The following FAHD2B variants were observed in gnomAD, a reference collection of about 807,000 sequenced individuals.
FAHD2B encodes the protein fumarylacetoacetate hydrolase domain containing 2B, also known as oxaloacetate tautomerase FAHD2B, mitochondrial.
FAHD2B carries 26 observed loss-of-function variants against 33.7 expected under a neutral mutation model. The observed-to-expected ratio is 0.77, with a 90% CI of 0.57 to 1.07. The LOEUF is 1.07. Ranked by LOEUF, FAHD2B falls within the 50% of genes least tolerant of loss-of-function variation. The pLI is 0.00. For synonymous variants in FAHD2B, 108 were observed against 150.9 expected (o/e 0.72, Z 2.08); for missense variants, 272 against 388.1 (o/e 0.70, Z 2.51).
chr2:97,093,686 G>A (rs978465805), intron 1 of FAHD2B, among the ~76,000 whole-genome samples: 6 of 151,968 alleles, frequency 3.9e-5, no homozygotes, highest in African/African-American at 1.4e-4. Flanking sequence ...AGTTAGCCAG[G>A]ATGGTCTCGA....
rs1364026902 is a variant in FAHD2B at position 97,083,822 on chromosome 2, A to G, written c.883-5T>C. 1 of 1,614,150 alleles carries G rather than the reference A, an allele frequency of 6.2e-7. No homozygotes were observed. Reference sequence around the variant, plus strand: ...ACACTGGACTTCATCCCCCTTCTGCAACAGAGCAGGCCATGACGGTGTCAG... The same window carrying G: ...ACACTGGACTTCATCCCCCTTCTGCGACAGAGCAGGCCATGACGGTGTCAG... On this transcript the variant is annotated splice_region_variant and splice_polypyrimidine_tract_variant and intron_variant, in intron 8 of 8. Coordinates refer to ENST00000414820, the MANE Select transcript of FAHD2B (RefSeq NM_001320848.2).
At chr2:97,081,849 G>A (rs1282738745), downstream of FAHD2B, 36 of 550,394 alleles carry the variant, frequency 6.5e-5, no homozygotes, top group Non-Finnish European at 1.1e-4. Flanking sequence ...CACTCTGCAA[G>A]TTGGCCCAGC....
At chr2:97,086,101 C>A (rs1180525279) in intron 5 of FAHD2B, 38 bp downstream of exon 5, 1 of 1,609,642 alleles carries the variant, frequency 6.2e-7, no homozygotes, top group Admixed American at 1.7e-5. Flanking sequence ...GGGGCCTCTG[C>A]TGCACTCTGG....
chr2:97,082,860 C>A, downstream of FAHD2B: 1 of 839,040 alleles, frequency 1.2e-6, no homozygotes, highest in Admixed American at 1.9e-5. Flanking sequence ...CAGGGCTGGC[C>A]TGATGGTGCC....
At chr2:97,083,538 T>C (rs572423689), downstream of FAHD2B, 22 of 956,018 alleles carry the variant, frequency 2.3e-5, no homozygotes, top group East Asian at 1.8e-4. Flanking sequence ...CCCAACTTGT[T>C]CCATGAAACA....
At chr2:97,093,825 A>G (rs2032505030) in intron 1 of FAHD2B, among the ~76,000 whole-genome samples, 1 of 152,094 alleles carries the variant, frequency 6.6e-6, no homozygotes, top group South Asian at 2.1e-4. Context: ...CCCATTTTAC[A>G]GATGAAACAG....
downstream of FAHD2B, chr2:97,081,317 C>T: frequency 6.6e-7 from 1 of 1,518,642 alleles, no homozygotes. Context: ...TGGCCCATCC[C>T]TGCCCATGCT....
chr2:97,087,543 C>T (rs944062767), intron 4 of FAHD2B, among the ~76,000 whole-genome samples: 7 of 151,814 alleles, frequency 4.6e-5, no homozygotes, highest in African/African-American at 1.5e-4. Flanking sequence ...ACTAGAAATA[C>T]AAAAAATTAG....
At chr2:97,081,941 G>C (rs1391398491), downstream of FAHD2B, 1 of 758,164 alleles carries the variant, frequency 1.3e-6, no homozygotes, top group Non-Finnish European at 2.3e-6. Context: ...ACCTGGTCTG[G>C]GGGTGTAGGG....
rs1022181195 is a variant in FAHD2B at position 97,091,930 on chromosome 2, G to A, written c.-74C>T. ...ACTACATGCTACGCAGTAAGTCCCA[G>A]GGATTCCAGCGTTCCTTCAACCAGT... On this transcript the variant is annotated 5_prime_UTR_variant, in exon 2 of 9. Transcript: ENST00000414820. 17 of 542,054 alleles carry A rather than the reference G, an allele frequency of 3.1e-5. No homozygotes were observed. Among genetic ancestry groups the A allele is most frequent in the Non-Finnish European group, 5.3e-5 (17 of 319,304 alleles). The allele number at this position is 542,054 out of a possible 1,614,324, so 33.6% of individuals were successfully genotyped here. A position where few individuals can be genotyped will look rare whatever the true frequency, so the allele number is the denominator to read the frequency against.
chr2:97,087,523 CCCTGTCTCTACTAGAAATACAAAAAA>C (rs2032069152), intron 4 of FAHD2B, among the ~76,000 whole-genome samples: 1 of 151,894 alleles, frequency 6.6e-6, no homozygotes, highest in African/African-American at 2.4e-5. Context: ...CATGGTGAAA[CCCTGTCTCTACTAGAAATACAAAAAA>C]TTAGCCAGGT....
In FAHD2B at chr2:97,090,471, C is replaced by T. The variant is rs2924057; in HGVS notation, c.246-146G>A. ...TCAACCATCAGAGTCAGTGTGAAAA[C>T]CACTGACTATTGTCCTTTGCTGTCA... On this transcript the variant is annotated intron_variant, in intron 3 of 8. Transcript: ENST00000414820. 1,609 of 1,440,654 alleles carry T rather than the reference C, an allele frequency of 1.1e-3. 5 individuals are homozygous for T. The Middle Eastern group carries it at 0.012, about 10-fold the overall frequency. 89.2% of individuals were successfully genotyped at this position (1,440,654 alleles called of 1,614,324 possible). A position where few individuals can be genotyped will look rare whatever the true frequency, so the allele number is the denominator to read the frequency against.
chr2:97,090,303 C>T lies in FAHD2B; in HGVS notation c.268G>A (p.Val90Ile), dbSNP rs779923393. ...AAGGTTACCTCCGACCATGGTAGGA[C>T]TGGCAACTGGGCAGCCAAGGCTCTG... ...ARRALAAQLPVLPWSEVTFLA... is the reference protein window; with the variant it reads ...ARRALAAQLPILPWSEVTFLA... Residue 90 changes from valine (V) to isoleucine (I), a missense_variant, in exon 4 of 9, where the codon GTC becomes ATC. Coordinates refer to ENST00000414820, the MANE Select transcript of FAHD2B (RefSeq NM_001320848.2). 2.5e-6 allele frequency: 4 copies of T among 1,613,068 alleles called. No individual in the cohort carries two copies. The East Asian group carries it at 8.9e-5, about 36-fold the overall frequency.
chr2:97,083,528 C>T (rs2031742269), downstream of FAHD2B: 2 of 913,338 alleles, frequency 2.2e-6, no homozygotes, highest in Non-Finnish European at 3.3e-6. Context: ...CACAAAATGC[C>T]CCAACTTGTT....
At chr2:97,088,140 A>G (rs1426082189) in intron 4 of FAHD2B, among the ~76,000 whole-genome samples, 3 of 152,158 alleles carry the variant, frequency 2.0e-5, no homozygotes, top group African/African-American at 4.8e-5. Flanking sequence ...GCTATAATCA[A>G]CTTTGATTGG....
chr2:97,090,108 C>T lies in FAHD2B; in HGVS notation c.462+1G>A, dbSNP rs1264161177. 1.3e-6 allele frequency: 2 copies of T among 1,567,174 alleles called. No individual in the cohort carries two copies. Among genetic ancestry groups the T allele is most frequent in the South Asian group, 1.2e-5 (1 of 84,858 alleles). ...AGGGAGGGCAGTGGGGAGGCACTGA[C>T]CTGGCTCTGTGGTGGGAGGACCACC... On this transcript the variant is annotated splice_donor_variant, in intron 4 of 8. Coordinates refer to ENST00000414820, the MANE Select transcript of FAHD2B (RefSeq NM_001320848.2). LOFTEE classifies it high-confidence loss of function.
chr2:97,086,186 C>A lies in FAHD2B; in HGVS notation c.475G>T (p.Glu159Ter). 6.2e-7 allele frequency: 1 copy of A among 1,612,114 alleles called. No homozygotes were observed. Among genetic ancestry groups the A allele is most frequent in the Non-Finnish European group, 8.5e-7 (1 of 1,179,290 alleles). ...LPPQSQEVDW[E>*]VELAVVIGKK... The stretch of plus-strand genomic sequence containing the variant: ...CCAATGACCACGGCCAGCTCCACTT[C>A]CCAATCTACCTCCTGTAGGGTGGGA... Residue 159 changes from glutamate to a stop codon, truncating the protein, a stop_gained, in exon 5 of 9, where the codon GAA (glutamate) becomes TAA (stop). Transcript: ENST00000414820. LOFTEE classifies it high-confidence loss of function.
downstream of FAHD2B, chr2:97,083,080 CCT>C (rs2031713952): frequency 3.4e-6 from 5 of 1,469,648 alleles, no homozygotes; most frequent in Non-Finnish European, 4.5e-6. Context: ...AGGCCTGGCC[CCT>C]GAGCCATGCA....
intron 3 of FAHD2B, among the ~76,000 whole-genome samples, chr2:97,090,691 T>C (rs536123143): frequency 1.2e-4 from 18 of 152,172 alleles, no homozygotes; most frequent in Non-Finnish European, 1.6e-4. Context: ...GCATACTATT[T>C]ACATCTTTTA....
Sources: gnomAD v4.1 joint callset for allele counts (sites outside exome capture counted in the v4.1 genomes callset) on GRCh38, gnomAD v4.1.1 for gene constraint, MANE v1.5 for transcripts, NCBI Gene and HGNC (gene_info 2026-07-23, HGNC 2026-07-21) for gene names.